NXF3: variants seen among roughly 807,000 people sequenced by gnomAD.
NXF3 encodes the protein nuclear RNA export factor 3.
In NXF3, 34 loss-of-function variants were observed where a neutral mutation model predicts 48.4. That is an observed-to-expected ratio of 0.70 (90% confidence interval 0.53 to 0.93). NXF3 has a LOEUF of 0.93. Among genes scored for constraint, NXF3 ranks in the 40% least tolerant of loss-of-function variants. The probability of loss-of-function intolerance (pLI) is 0.00; values close to 1 mark genes in which losing one functional copy is unlikely to be tolerated. For synonymous variants in NXF3, 132 were observed against 145.7 expected (o/e 0.91, Z 0.68); for missense variants, 359 against 406.1 (o/e 0.88, Z 1.00).
chrX:103,084,962 T>G, intron 1 of NXF3, 79 bp from the exon 2 acceptor site: 2 of 929,656 alleles, frequency 2.2e-6, no homozygotes, highest in Non-Finnish European at 3.1e-6. Flanking sequence ...ATGAAAAAAT[T>G]CACTGATATT....
chrX:103,080,326 G>C, intron 10 of NXF3, 110 bp from the exon 11 acceptor site: 1 of 819,435 alleles, frequency 1.2e-6, no homozygotes, highest in South Asian at 2.4e-5. Flanking sequence ...GTGTGAAAGC[G>C]TTCTGGAAAT....
chrX:103,077,330 G>A (rs1221749927), intron 18 of NXF3, among the ~76,000 whole-genome samples: 2 of 101,766 alleles, frequency 2.0e-5, no homozygotes, highest in East Asian at 3.1e-4. Flanking sequence ...TGCTCACTGC[G>A]AGCTCCGCCT....
Position 103,093,092 on chromosome X carries a change from G to T in NXF3, c.-69C>A. 2.0e-6 allele frequency: 2 copies of T among 1,007,324 alleles called. No individual in the cohort carries two copies. The highest frequency in any genetic ancestry group is 2.8e-6 in the Non-Finnish European group (2 of 713,730). 83.0% of individuals were successfully genotyped at this position (1,007,324 alleles called of 1,213,427 possible). On this transcript the variant is annotated 5_prime_UTR_variant, in exon 1 of 20. Transcript: ENST00000395065. ...GGCCTGGGGACGGGAGTTTGGAGAA[G>T]ATTGAGGAGGGCTGCTGACGAAGGC...
At position 103,092,996 on chromosome X, in the gene NXF3, C is replaced by T. The variant is rs1193878965; in HGVS notation, c.28G>A (p.Gly10Ser). Residue 10 changes from glycine to serine, a missense_variant and splice_region_variant, in exon 1 of 20, where the codon GGT (glycine) becomes AGT (serine). Transcript: ENST00000395065. MSLPSGHTT[G>S]HTDQVVQRRA... ...TCCAGCCTCATGCTGGCCAACTCAC[C>T]CGTAGTGTGTCCTGAAGGCAGTGAC... 8.3e-7 allele frequency: 1 copy of T among 1,209,586 alleles called. No individual in the cohort carries two copies.
intron 15 of NXF3, 26 bp downstream of exon 15, chrX:103,079,333 G>C: frequency 8.3e-7 from 1 of 1,207,517 alleles, no homozygotes; most frequent in Non-Finnish European, 1.1e-6. Context: ...TTCTGGGCCT[G>C]CCCAAGGGAG....
intron 3 of NXF3, among the ~76,000 whole-genome samples, chrX:103,084,072 C>T (rs1922083810): frequency 1.8e-5 from 2 of 111,189 alleles, no homozygotes; most frequent in African/African-American, 3.3e-5. Context: ...TAAACTGAAG[C>T]ATCTGGTGTG....
chrX:103,084,535 G>GA, intron 2 of NXF3, 40 bp from the exon 3 acceptor site: 1 of 1,195,582 alleles, frequency 8.4e-7, no homozygotes, highest in South Asian at 1.8e-5. Context: ...CATATGCTCC[G>GA]AAAGTATTTT....
rs777855094 is a variant in NXF3, at chrX:103,079,579, C to T, written c.1219+5G>A. On this transcript the variant is annotated splice_donor_5th_base_variant and intron_variant, in intron 14 of 19. Coordinates refer to ENST00000395065, the MANE Select transcript of NXF3 (RefSeq NM_022052.2). ...CCTGCCCAGACTTCTCCATCACACA[C>T]TTACAGGGGTCCTTGAGAATTTTTA... The T allele has an allele frequency of 8.3e-7, 1 of 1,208,928 alleles. No individual in the cohort carries two copies. The highest frequency in any genetic ancestry group is 2.2e-5 in the Admixed American group (1 of 46,076).
At chrX:103,083,121 A>AC (rs1555971886) in intron 6 of NXF3, 48 bp from the exon 7 acceptor site, 1 of 1,190,119 alleles carries the variant, frequency 8.4e-7, no homozygotes, top group African/African-American at 1.8e-5. Context: ...TGAGGTGGTG[A>AC]AGGGGGCAAT....
intron 18 of NXF3, 142 bp from the exon 19 acceptor site, chrX:103,076,443 A>AGCCAAATG: frequency 1.6e-6 from 1 of 609,577 alleles, no homozygotes; most frequent in Admixed American, 2.7e-5. Context: ...CCCTGTGAAA[A>AGCCAAATG]GCCAAATGTC....
In NXF3 at chrX:103,083,493, C is replaced by A; in HGVS notation, c.445G>T (p.Glu149Ter). 8.3e-7 allele frequency: 1 copy of A among 1,205,902 alleles called. No homozygotes were observed. The highest frequency in any genetic ancestry group is 1.1e-6 in the Non-Finnish European group (1 of 890,031). The part of the protein sequence containing the change: ...VPFVPVEFHY[E>*]NMHASFFVEN... ...ACAAAGAAGCTGGCATGCATGTTTTCATAGTGAAACTATAGGGAGAGTTGC... is the reference window on the plus strand; with the variant it reads ...ACAAAGAAGCTGGCATGCATGTTTTAATAGTGAAACTATAGGGAGAGTTGC... The change falls in exon 5 of 20, where the codon GAA becomes TAA. Residue 149 changes from glutamate to a stop codon, truncating the protein, a stop_gained. Coordinates refer to ENST00000395065, the MANE Select transcript of NXF3 (RefSeq NM_022052.2). LOFTEE classifies it high-confidence loss of function.
rs756970742 is a variant in NXF3, at chrX:103,084,309, T to G, written c.351+33A>C. On this transcript the variant is annotated intron_variant, in intron 3 of 19. Coordinates refer to ENST00000395065, the MANE Select transcript of NXF3 (RefSeq NM_022052.2). Reference sequence around the variant, plus strand: ...AACACAATTCCCCCTGTTCTCCTTCTGAACATTAGATCCACTTTGCCAGGA... The same window carrying G: ...AACACAATTCCCCCTGTTCTCCTTCGGAACATTAGATCCACTTTGCCAGGA... The G allele has an allele frequency of 3.0e-5, 36 of 1,204,758 alleles. No homozygotes were observed. The South Asian group carries it at 6.3e-4, about 21-fold the overall frequency.
intron 1 of NXF3, 113 bp downstream of exon 1, chrX:103,092,883 A>T: frequency 1.3e-6 from 1 of 783,689 alleles, no homozygotes; most frequent in African/African-American, 2.0e-5. Context: ...GCCCACCCCC[A>T]TCTAAAGGGA....
At chrX:103,077,243 CTTTTTTTTTTTT>C (rs34811257) in intron 18 of NXF3, among the ~76,000 whole-genome samples, 4 of 62,586 alleles carry the variant, frequency 6.4e-5, no homozygotes, top group Non-Finnish European at 1.1e-4. Flanking sequence ...GCACTCACTT[CTTTTTTTTTTTT>C]TTTTTTTTTT....
chrX:103,085,858 A>G (rs1277324646), intron 1 of NXF3, among the ~76,000 whole-genome samples: 2 of 100,153 alleles, frequency 2.0e-5, no homozygotes, highest in Non-Finnish European at 4.0e-5. Flanking sequence ...AGCCAAGATC[A>G]CACCACTGCA....
chrX:103,084,418 C>T lies in NXF3; in HGVS notation c.275G>A (p.Arg92Lys), dbSNP rs1057442691. 10 of 1,211,619 alleles carry T rather than the reference C, an allele frequency of 8.3e-6. No homozygotes were observed. The highest frequency in any genetic ancestry group is 1.1e-5 in the Non-Finnish European group (10 of 895,387). The change falls in exon 3 of 20, where the codon AGA becomes AAA. Residue 92 changes from arginine to lysine, a missense_variant. By Grantham distance (26) the Arg-to-Lys change is conservative. Coordinates refer to ENST00000395065, the MANE Select transcript of NXF3 (RefSeq NM_022052.2). ...KQDQTHVNME[R>K]EQKPPERRME... ...TCTTCTCTCTGGAGGTTTTTGCTCT[C>T]TCTCCATGTTAACGTGGGTTTGGTC...
intron 1 of NXF3, among the ~76,000 whole-genome samples, chrX:103,085,973 C>G (rs1216032594): frequency 9.2e-6 from 1 of 108,110 alleles, no homozygotes; most frequent in African/African-American, 3.3e-5. Flanking sequence ...TACTTCTCCA[C>G]TGTTCCCTCT....
Position 103,078,627 on chromosome X carries a change from C to T in NXF3, c.1384G>A (p.Gly462Arg). ...SVNGVFKEVE[G>R]QSQGSVLAFT... ...GCGAGAACAGAACCCTGAGACTGTC[C>T]TTCCACTTCAAAGACAACAAACAAC... Residue 462 changes from glycine to arginine, a missense_variant, in exon 17 of 20, where the codon GGA becomes AGA. Coordinates refer to ENST00000395065, the MANE Select transcript of NXF3 (RefSeq NM_022052.2). 8.3e-7 allele frequency: 1 copy of T among 1,210,357 alleles called. No individual in the cohort carries two copies. Among genetic ancestry groups the T allele is most frequent in the East Asian group, 3.0e-5 (1 of 33,747 alleles).
Position 103,084,820 on chromosome X carries a change from C to T in NXF3, c.92G>A (p.Ser31Asn), listed in dbSNP as rs1922106661. ...AGGATTGACAGGTTCAGACCTACTG[C>T]TAAATCTCCTTTGGTAAATATCCCA... Reference protein sequence around the residue: ...RCWDIYQRRFSSRSEPVNPGM... With the variant: ...RCWDIYQRRFNSRSEPVNPGM... The change falls in exon 2 of 20, where the codon AGC becomes AAC. Residue 31 changes from serine to asparagine, a missense_variant. Physicochemically the swap from Ser to Asn is conservative, Grantham distance 46. Coordinates refer to ENST00000395065, the MANE Select transcript of NXF3 (RefSeq NM_022052.2). 1 of 1,211,218 alleles carries T rather than the reference C, an allele frequency of 8.3e-7. No homozygotes were observed. Among genetic ancestry groups the T allele is most frequent in the East Asian group, 3.0e-5 (1 of 33,863 alleles).
Sources: allele counts gnomAD v4.1 joint callset (sites outside exome capture counted in the v4.1 genomes callset), GRCh38; gene constraint gnomAD v4.1.1; transcripts MANE v1.5; gene names NCBI Gene and HGNC (gene_info 2026-07-23, HGNC 2026-07-21).